NFIB: variants seen among roughly 807,000 people sequenced by gnomAD.
NFIB encodes nuclear factor I B, also known as nuclear factor 1 B-type.
Under a neutral mutation model 61.5 loss-of-function variants are expected in NFIB, and 11 were observed. The ratio of observed to expected loss-of-function variants is 0.18; its 90% confidence interval spans 0.11 to 0.30. The LOEUF (loss-of-function observed/expected upper bound fraction) is 0.30. NFIB is among the 10% of genes least tolerant of loss of function. The pLI is 1.00. For missense variants in NFIB, 471 were observed against 608.9 expected (o/e 0.77, Z 2.38); for synonymous variants, 260 against 216.5 (o/e 1.20, Z -1.76).
intron 1 of NFIB, among the ~76,000 whole-genome samples, chr9:14,340,117 A>T (rs2060932871): frequency 6.6e-6 from 1 of 152,180 alleles, no homozygotes; most frequent in African/African-American, 2.4e-5. Flanking sequence ...TGGGGCTCTA[A>T]CTTTCAGTCC....
the NFIB span, among the ~76,000 whole-genome samples, chr9:14,502,564 G>C: frequency 6.6e-6 from 1 of 152,180 alleles, no homozygotes; most frequent in Non-Finnish European, 1.5e-5. Flanking sequence ...GGGTACGTAA[G>C]TCATCTGTGC....
At chr9:14,526,260 A>C in the NFIB span, among the ~76,000 whole-genome samples, 1 of 152,208 alleles carries the variant, frequency 6.6e-6, no homozygotes. Context: ...TTAATGTTAG[A>C]ACATTGAGAA....
intron 2 of NFIB, among the ~76,000 whole-genome samples, chr9:14,238,783 G>A (rs1317390676): frequency 6.6e-6 from 1 of 151,978 alleles, no homozygotes; most frequent in East Asian, 1.9e-4. Context: ...TGCCACAGGG[G>A]GAAAAAGGTA....
At chr9:14,318,157 T>A (rs183192955), upstream of NFIB, among the ~76,000 whole-genome samples, 1 of 152,308 alleles carries the variant, frequency 6.6e-6, no homozygotes, top group African/African-American at 2.4e-5. Flanking sequence ...TATTTCAGTA[T>A]TCTTAAAGAT....
the NFIB span, among the ~76,000 whole-genome samples, chr9:14,511,971 G>A: frequency 6.6e-6 from 1 of 152,100 alleles, no homozygotes; most frequent in Non-Finnish European, 1.5e-5. Flanking sequence ...CGATATTTTT[G>A]CACAATTAAA....
chr9:14,391,466 TAGGA>T (rs61140898), intron 1 of NFIB, among the ~76,000 whole-genome samples: 115,312 of 151,526 alleles, frequency 0.76, 43,904 homozygotes, highest in African/African-American at 0.79. Context: ...TCCCAATAGA[TAGGA>T]AGGAAACACC....
chr9:14,277,982 A>T (rs2058115718), intron 2 of NFIB, among the ~76,000 whole-genome samples: 1 of 152,176 alleles, frequency 6.6e-6, no homozygotes. Flanking sequence ...TCCTGTGATG[A>T]TCTCTGGGGG....
intron 2 of NFIB, among the ~76,000 whole-genome samples, chr9:14,183,155 G>C (rs1281788464): frequency 6.6e-6 from 1 of 152,116 alleles, no homozygotes; most frequent in Non-Finnish European, 1.5e-5. Flanking sequence ...GAAAATGACT[G>C]GTGGGATGAC....
the NFIB span, among the ~76,000 whole-genome samples, chr9:14,502,826 C>T: frequency 6.6e-6 from 1 of 152,062 alleles, no homozygotes; most frequent in Non-Finnish European, 1.5e-5. Flanking sequence ...TTTTGGTACA[C>T]CCATCACCTG....
At chr9:14,213,724 C>T (rs975897515) in intron 2 of NFIB, among the ~76,000 whole-genome samples, 1 of 152,192 alleles carries the variant, frequency 6.6e-6, no homozygotes, top group Non-Finnish European at 1.5e-5. Context: ...TATGTGGACA[C>T]CCAGGTCTCC....
At chr9:14,452,680 T>C in the NFIB span, among the ~76,000 whole-genome samples, 2 of 152,174 alleles carry the variant, frequency 1.3e-5, no homozygotes, top group Non-Finnish European at 2.9e-5. Context: ...ACATGTCTGC[T>C]CCTGAAGAGG....
the NFIB span, among the ~76,000 whole-genome samples, chr9:14,511,622 G>C: frequency 6.6e-6 from 1 of 152,180 alleles, no homozygotes; most frequent in Non-Finnish European, 1.5e-5. Context: ...CCAGTAAGAG[G>C]TGGAGTTGAA....
chr9:14,182,939 C>T (rs2046969211), intron 2 of NFIB, among the ~76,000 whole-genome samples: 1 of 151,936 alleles, frequency 6.6e-6, no homozygotes, highest in Admixed American at 6.6e-5. Flanking sequence ...GGGTCAGACA[C>T]AGTCTACATT....
At chr9:14,497,364 C>T in the NFIB span, among the ~76,000 whole-genome samples, 1 of 152,164 alleles carries the variant, frequency 6.6e-6, no homozygotes, top group Non-Finnish European at 1.5e-5. Flanking sequence ...ATGTTCAAAT[C>T]ATTTTGTCCA....
chr9:14,296,623 A>T (rs1207411804), intron 2 of NFIB, among the ~76,000 whole-genome samples: 1 of 152,212 alleles, frequency 6.6e-6, no homozygotes, highest in Non-Finnish European at 1.5e-5. Context: ...GCATGTACGG[A>T]AACAAGGAGA....
intron 6 of NFIB, among the ~76,000 whole-genome samples, chr9:14,136,565 A>C (rs1195244313): frequency 6.6e-6 from 1 of 152,196 alleles, no homozygotes; most frequent in Non-Finnish European, 1.5e-5. Context: ...ACATTTAAAA[A>C]CATTTATGCT....
intron 2 of NFIB, among the ~76,000 whole-genome samples, chr9:14,225,871 A>AT (rs1446591298): frequency 1.7e-4 from 26 of 152,202 alleles, no homozygotes; most frequent in African/African-American, 6.0e-4. Flanking sequence ...TATATATAAC[A>AT]TTTTGTCATT....
the NFIB span, among the ~76,000 whole-genome samples, chr9:14,472,316 G>A: frequency 6.6e-6 from 1 of 152,150 alleles, no homozygotes; most frequent in African/African-American, 2.4e-5. Context: ...CTAGCCTGGT[G>A]CTACTCCAAG....
At chr9:14,353,109 G>C (rs2061133575) in intron 1 of NFIB, among the ~76,000 whole-genome samples, 1 of 152,118 alleles carries the variant, frequency 6.6e-6, no homozygotes, top group African/African-American at 2.4e-5. Context: ...GAGAATGGCA[G>C]AGGTATGGTG....
Sources: gnomAD v4.1 joint callset for allele counts (sites outside exome capture counted in the v4.1 genomes callset) on GRCh38, gnomAD v4.1.1 for gene constraint, MANE v1.5 for transcripts, NCBI Gene and HGNC (gene_info 2026-07-23, HGNC 2026-07-21) for gene names.